The following PTPRB variants were observed in gnomAD, a reference collection of about 807,000 sequenced individuals.
The protein encoded by PTPRB is receptor-type tyrosine-protein phosphatase beta.
Under a neutral mutation model 238.1 loss-of-function variants are expected in PTPRB, and 97 were observed. That is an observed-to-expected ratio of 0.41 (90% CI 0.35 to 0.48). The LOEUF is 0.48. PTPRB is among the 20% of genes least tolerant of loss of function. PTPRB has a pLI of 0.30. For synonymous variants in PTPRB, 970 were observed against 995.4 expected, an observed-to-expected ratio of 0.97 and a Z score of 0.48; for missense variants, 2,292 against 2,681.9, an observed-to-expected ratio of 0.85 and a Z score of 3.21.
At chr12:70,592,168 C>T in intron 7 of PTPRB, 114 bp downstream of exon 7, 2 of 1,440,478 alleles carry the variant, frequency 1.4e-6, no homozygotes, top group Non-Finnish European at 1.9e-6. Context: ...GTTACATAGG[C>T]TCCACTTCTC....
intron 7 of PTPRB, among the ~76,000 whole-genome samples, chr12:70,591,091 C>T (rs975045830): frequency 2.7e-4 from 41 of 149,110 alleles, no homozygotes; most frequent in Admixed American, 4.8e-4. Context: ...TCACCATGCC[C>T]AGCTAATTAA....
intron 10 of PTPRB, among the ~76,000 whole-genome samples, chr12:70,579,889 A>G (rs1881194326): frequency 6.6e-6 from 1 of 152,070 alleles, no homozygotes; most frequent in African/African-American, 2.4e-5. Flanking sequence ...ATGATTTTGG[A>G]AAGAGATGCA....
intron 2 of PTPRB, among the ~76,000 whole-genome samples, chr12:70,625,609 T>G (rs543684586): frequency 1.9e-4 from 29 of 152,254 alleles, no homozygotes; most frequent in African/African-American, 6.3e-4. Flanking sequence ...AAATTTTATT[T>G]GAAATAGTAG....
intron 5 of PTPRB, among the ~76,000 whole-genome samples, chr12:70,595,320 G>T (rs1407940277): frequency 6.6e-6 from 1 of 152,186 alleles, no homozygotes; most frequent in South Asian, 2.1e-4. Context: ...GATAAGGAAG[G>T]GATAGCATTA....
intron 6 of PTPRB, 72 bp from the exon 7 acceptor site, chr12:70,592,617 T>A: frequency 6.7e-7 from 1 of 1,483,882 alleles, no homozygotes; most frequent in Non-Finnish European, 9.1e-7. Flanking sequence ...AATTTTGACC[T>A]GTAATTTTAT....
At chr12:70,541,938 G>A (rs1400863362) in intron 22 of PTPRB, 1 of 152,144 alleles carries the variant, frequency 6.6e-6, no homozygotes, top group Non-Finnish European at 1.5e-5. Context: ...GTTTCTATGT[G>A]GACATATGTT....
chr12:70,632,786 C>G (rs1885513643), intron 2 of PTPRB, among the ~76,000 whole-genome samples: 1 of 152,124 alleles, frequency 6.6e-6, no homozygotes, highest in South Asian at 2.1e-4. Context: ...TTTAAAAATA[C>G]AATACCTCAT....
At position 70,555,284 on chromosome 12, in the gene PTPRB, A is replaced by G. The variant is rs201952330; in HGVS notation, c.5019T>C (p.Ile1673=). 2.6e-4 allele frequency: 421 copies of G among 1,613,070 alleles called. 1 individual carries two copies. In the African/African-American group the frequency reaches 5.1e-3, roughly 19 times the overall value. Residue 1673 remains isoleucine, a synonymous_variant, in exon 20 of 34, where the codon ATT becomes ATC. Coordinates refer to ENST00000334414, the MANE Select transcript of PTPRB (RefSeq NM_001109754.4). Reference sequence around the variant, plus strand: ...TTAGCACATCCTTTTCATTCACACGAATGTGTGGGGGTGGAGGAGGGGGGC... The same window carrying G: ...TTAGCACATCCTTTTCATTCACACGGATGTGTGGGGGTGGAGGAGGGGGGC... ...IDRPPPPPPH[I]RVNEKDVLIS...
At chr12:70,631,560 A>G (rs1458955249) in intron 2 of PTPRB, among the ~76,000 whole-genome samples, 1 of 152,212 alleles carries the variant, frequency 6.6e-6, no homozygotes. Flanking sequence ...AATGGCAACA[A>G]AAGCCAAAAT....
chr12:70,607,791 T>A (rs1458897498), intron 4 of PTPRB, among the ~76,000 whole-genome samples: 1 of 151,978 alleles, frequency 6.6e-6, no homozygotes, highest in Non-Finnish European at 1.5e-5. Context: ...GACCTCATGA[T>A]CCACCTGCCT....
At chr12:70,621,360 T>C (rs1884920305) in intron 3 of PTPRB, among the ~76,000 whole-genome samples, 1 of 152,194 alleles carries the variant, frequency 6.6e-6, no homozygotes, top group Admixed American at 6.5e-5. Context: ...CATTATTTCC[T>C]GGAGTTGGTA....
intron 4 of PTPRB, among the ~76,000 whole-genome samples, chr12:70,601,650 G>A (rs966265840): frequency 1.3e-5 from 2 of 152,140 alleles, no homozygotes; most frequent in Non-Finnish European, 2.9e-5. Flanking sequence ...AAAAATCAGG[G>A]TGGGATGGGG....
Position 70,538,247 on chromosome 12 carries a change from T to C in PTPRB, c.5870-16A>G, listed in dbSNP as rs756118581. The C allele has an allele frequency of 3.7e-6, 6 of 1,609,770 alleles. No homozygotes were observed. The highest frequency in any genetic ancestry group is 5.1e-6 in the Non-Finnish European group (6 of 1,177,294). On this transcript the variant is annotated splice_polypyrimidine_tract_variant and intron_variant, in intron 27 of 33. Coordinates refer to ENST00000334414, the MANE Select transcript of PTPRB (RefSeq NM_001109754.4). ...GTGGCATCATCTGGAAGGAGAGATTTGCTGCTGAGTCTTGGAGTGACTTTT... is the reference window on the plus strand; with the variant it reads ...GTGGCATCATCTGGAAGGAGAGATTCGCTGCTGAGTCTTGGAGTGACTTTT...
intron 2 of PTPRB, among the ~76,000 whole-genome samples, chr12:70,624,368 T>C (rs1885080899): frequency 6.6e-6 from 1 of 152,188 alleles, no homozygotes; most frequent in Non-Finnish European, 1.5e-5. Flanking sequence ...TTTTTGGACA[T>C]TCCTCTTAGT....
At chr12:70,526,317 C>A (rs903838139) in intron 32 of PTPRB, among the ~76,000 whole-genome samples, 1 of 152,122 alleles carries the variant, frequency 6.6e-6, no homozygotes, top group Non-Finnish European at 1.5e-5. Context: ...ATTCTCACAC[C>A]TCAGTCTCCT....
chr12:70,537,634 A>G (rs1874375668), intron 28 of PTPRB, among the ~76,000 whole-genome samples: 1 of 152,244 alleles, frequency 6.6e-6, no homozygotes, highest in Admixed American at 6.5e-5. Context: ...AAAAGGTGAC[A>G]TAATGTGCCC....
chr12:70,535,236 T>C (rs930214626), intron 29 of PTPRB, among the ~76,000 whole-genome samples: 1 of 147,998 alleles, frequency 6.8e-6, no homozygotes, highest in Admixed American at 6.7e-5. Flanking sequence ...TTTTTTTTTT[T>C]TTTTTTTTTT....
At chr12:70,579,155 G>A (rs146611394) in intron 10 of PTPRB, among the ~76,000 whole-genome samples, 26 of 152,126 alleles carry the variant, frequency 1.7e-4, no homozygotes, top group African/African-American at 3.4e-4. Flanking sequence ...ATGCAAGGTC[G>A]TCCTCCACTC....
rs767033748 is a variant in PTPRB at position 70,622,376 on chromosome 12, C to T, written c.708+14G>A. On this transcript the variant is annotated intron_variant, in intron 3 of 33. Coordinates refer to ENST00000334414, the MANE Select transcript of PTPRB (RefSeq NM_001109754.4). ...ACGTGCACAGACCACACTCCACACACCCCCTCCTTTTACCTCTTCAGTGGT... is the reference window on the plus strand; with the variant it reads ...ACGTGCACAGACCACACTCCACACATCCCCTCCTTTTACCTCTTCAGTGGT... 6 of 1,610,516 alleles carry T rather than the reference C, an allele frequency of 3.7e-6. No individual in the cohort carries two copies. The highest frequency in any genetic ancestry group is 3.3e-5 in the Admixed American group (2 of 59,954).
Sources: allele counts gnomAD v4.1 joint callset (sites outside exome capture counted in the v4.1 genomes callset), GRCh38; gene constraint gnomAD v4.1.1; transcripts MANE v1.5; gene names NCBI Gene and HGNC (gene_info 2026-07-23, HGNC 2026-07-21).